Variants in DAND5 observed in about 807,000 individuals in gnomAD.
DAND5 encodes the protein DAN domain BMP antagonist family member 5.
In DAND5, 8 loss-of-function variants were observed where a neutral mutation model predicts 9.2. The observed-to-expected ratio is 0.87, with a 90% CI of 0.51 to 1.56. The LOEUF (loss-of-function observed/expected upper bound fraction) is 1.56, where lower values mean the gene tolerates loss of function less well. DAND5 is among the 40% of genes most tolerant of loss of function. The pLI is 0.00. For missense variants in DAND5, 244 were observed against 244.7 expected, an observed-to-expected ratio of 1.00 and a Z score of 0.02; for synonymous variants, 95 against 101.1, an observed-to-expected ratio of 0.94 and a Z score of 0.36.
At chr19:12,970,649 C>A (rs941476227) in intron 1 of DAND5, 2 of 465,536 alleles carry the variant, frequency 4.3e-6, no homozygotes, top group African/African-American at 4.2e-5. Context: ...CTCTTTCTTT[C>A]TTTCTTTCTT....
At chr19:12,973,248 G>T (rs2011155934) in intron 1 of DAND5, 141 bp from the exon 2 acceptor site, 1 of 1,178,710 alleles carries the variant, frequency 8.5e-7, no homozygotes, top group Non-Finnish European at 1.2e-6. Flanking sequence ...CCAAGAGACA[G>T]CAGAGTCAGG....
intron 1 of DAND5, among the ~76,000 whole-genome samples, 187 bp from the exon 2 acceptor site, chr19:12,973,202 G>A (rs1390832037): frequency 6.6e-6 from 1 of 152,194 alleles, no homozygotes; most frequent in Non-Finnish European, 1.5e-5. Context: ...GGAAACAAAA[G>A]CTCAGAGAGG....
intron 1 of DAND5, among the ~76,000 whole-genome samples, chr19:12,973,102 T>C (rs2011154793): frequency 1.3e-5 from 2 of 152,092 alleles, no homozygotes; most frequent in South Asian, 4.1e-4. Context: ...GACCTCGTGA[T>C]CCGCCCGCCT....
intron 1 of DAND5, among the ~76,000 whole-genome samples, chr19:12,971,335 A>G (rs1296771100): frequency 6.6e-6 from 1 of 151,626 alleles, no homozygotes; most frequent in Non-Finnish European, 1.5e-5. Flanking sequence ...CTGCAGTGCA[A>G]TGGCGCGATC....
At chr19:12,971,129 G>A (rs555237529) in intron 1 of DAND5, among the ~76,000 whole-genome samples, 1 of 152,232 alleles carries the variant, frequency 6.6e-6, no homozygotes, top group African/African-American at 2.4e-5. Flanking sequence ...GTGGGCTAAG[G>A]GCTTTCTGTT....
At position 12,973,539 on chromosome 19, in the gene DAND5, G is replaced by T. The variant is rs754429363; in HGVS notation, c.475G>T (p.Val159Phe). ...TGCTCGCAAGCGTTGGGCACCCGTG[G>T]TCCTGTGGTGTCTCACTGGCAGCTC... is the stretch of plus-strand genomic sequence containing the variant. Reference protein sequence around the residue: ...MPARKRWAPVVLWCLTGSSAS... With the variant: ...MPARKRWAPVFLWCLTGSSAS... Residue 159 changes from valine (V) to phenylalanine (F), a missense_variant, in exon 2 of 2, where the codon GTC becomes TTC. Physicochemically the swap from Val to Phe is conservative, Grantham distance 50. Coordinates refer to ENST00000317060, the MANE Select transcript of DAND5 (RefSeq NM_152654.3). 1 of 1,614,184 alleles carries T rather than the reference G, an allele frequency of 6.2e-7. No homozygotes were observed. Among genetic ancestry groups the T allele is most frequent in the East Asian group, 2.2e-5 (1 of 44,892 alleles).
rs1477701769 is a variant in DAND5, at chr19:12,973,436, G to A, written c.372G>A (p.Leu124=). 3.1e-6 allele frequency: 5 copies of A among 1,614,018 alleles called. No homozygotes were observed. The highest frequency in any genetic ancestry group is 3.4e-6 in the Non-Finnish European group (4 of 1,180,040). ...GCSAIRLRNH[L]CFGHCSSLYI... is the part of the protein sequence containing the mutation. ...CAGCCATACGCCTCCGAAATCATCT[G>A]TGCTTTGGTCATTGCTCCTCTCTCT... Residue 124 remains leucine (L), a synonymous_variant, in exon 2 of 2, where the codon CTG becomes CTA. Coordinates refer to ENST00000317060, the MANE Select transcript of DAND5 (RefSeq NM_152654.3).
rs1054898031 is a variant in DAND5 at position 12,973,081 on chromosome 19, C to G, written c.325-308C>G. Among the ~76,000 whole-genome samples, 18 of 151,928 alleles carry G rather than the reference C, an allele frequency of 1.2e-4. No individual in the cohort carries two copies. The South Asian group carries it at 1.5e-3, about 12-fold the overall frequency. On this transcript the variant is annotated intron_variant, in intron 1 of 1. Coordinates refer to ENST00000317060, the MANE Select transcript of DAND5 (RefSeq NM_152654.3). ...GTTTCACCGTGTTGGCCAGGATGGTCTCGATCTGCTGACCTCGTGATCCGC... is the reference window on the plus strand; with the variant it reads ...GTTTCACCGTGTTGGCCAGGATGGTGTCGATCTGCTGACCTCGTGATCCGC...
At chr19:12,970,612 CTTTT>C (rs1462105021) in intron 1 of DAND5, 1 of 475,038 alleles carries the variant, frequency 2.1e-6, no homozygotes, top group Non-Finnish European at 3.7e-6. Context: ...TTCTTTCTTT[CTTTT>C]CTTTCTTTGT....
chr19:12,973,096 T>C (rs1301789908), intron 1 of DAND5, among the ~76,000 whole-genome samples: 1 of 150,916 alleles, frequency 6.6e-6, no homozygotes, highest in Non-Finnish European at 1.5e-5. Context: ...TCTGCTGACC[T>C]CGTGATCCGC....
chr19:12,969,806 C>T lies in DAND5; in HGVS notation c.146C>T (p.Pro49Leu), dbSNP rs747156125. The change falls in exon 1 of 2, where the codon CCC (proline) becomes CTC (leucine). Residue 49 changes from proline (P) to leucine (L), a missense_variant. Physicochemically the swap from Pro to Leu is moderately conservative, Grantham distance 98 (BLOSUM62 -3). Transcript: ENST00000317060. ...TGGGCTCTGGGCCCAGGGGCCCTGC[C>T]CCCACTGGTGCCAGCTTCTGCCCTT... ...QTWALGPGALPPLVPASALGS... is the reference protein window; with the variant it reads ...QTWALGPGALLPLVPASALGS... The T allele has an allele frequency of 1.1e-5, 18 of 1,603,264 alleles. No homozygotes were observed. The highest frequency in any genetic ancestry group is 1.4e-5 in the Non-Finnish European group (16 of 1,174,922).
intron 1 of DAND5, chr19:12,970,442 T>G (rs1372925501): frequency 1.4e-6 from 1 of 700,858 alleles, no homozygotes; most frequent in African/African-American, 1.8e-5. Flanking sequence ...TTTCTTTCTG[T>G]TTTTTTAGAC....
Position 12,973,062 on chromosome 19 carries a change from C to T in DAND5, c.325-327C>T, listed in dbSNP as rs1017549320. Among the ~76,000 whole-genome samples, 15 of 151,536 alleles carry T rather than the reference C, an allele frequency of 9.9e-5. 1 individual carries two copies. Among genetic ancestry groups the T allele is most frequent in the South Asian group, 2.1e-4 (1 of 4,788 alleles). On this transcript the variant is annotated intron_variant, in intron 1 of 1. Coordinates refer to ENST00000317060, the MANE Select transcript of DAND5 (RefSeq NM_152654.3). ...TATTTTTAGTAGAGACGGGGTTTCA[C>T]CGTGTTGGCCAGGATGGTCTCGATC...
rs748058455 is a variant in DAND5 at position 12,969,794 on chromosome 19, C to T, written c.134C>T (p.Pro45Leu). The T allele has an allele frequency of 6.3e-7, 1 of 1,596,610 alleles. No individual in the cohort carries two copies. Among genetic ancestry groups the T allele is most frequent in the Non-Finnish European group, 8.5e-7 (1 of 1,172,264 alleles). Residue 45 changes from proline (P) to leucine (L), a missense_variant, in exon 1 of 2, where the codon CCA becomes CTA. By Grantham distance (98) the Pro-to-Leu change is moderately conservative (BLOSUM62 -3). Coordinates refer to ENST00000317060, the MANE Select transcript of DAND5 (RefSeq NM_152654.3). ...GCCAATCAGACCTGGGCTCTGGGCCCAGGGGCCCTGCCCCCACTGGTGCCA... is the reference window on the plus strand; with the variant it reads ...GCCAATCAGACCTGGGCTCTGGGCCTAGGGGCCCTGCCCCCACTGGTGCCA... ...AAANQTWALG[P>L]GALPPLVPAS... is the part of the protein sequence containing the mutation.
rs867025906 is a variant in DAND5, at chr19:12,973,518, C to T, written c.454C>T (p.Arg152Cys). The change falls in exon 2 of 2, where the codon CGC becomes TGC. Residue 152 changes from arginine to cysteine, a missense_variant. Physicochemically the swap from Arg to Cys is radical, Grantham distance 180 (BLOSUM62 -3). Transcript: ENST00000317060. Reference protein sequence around the residue: ...LVLCNSCMPARKRWAPVVLWC... With the variant: ...LVLCNSCMPACKRWAPVVLWC... ...CCTGTGCAACAGCTGTATGCCTGCT[C>T]GCAAGCGTTGGGCACCCGTGGTCCT... The T allele has an allele frequency of 3.7e-6, 6 of 1,614,164 alleles. No homozygotes were observed. The highest frequency in any genetic ancestry group is 2.2e-5 in the East Asian group (1 of 44,888).
chr19:12,971,551 A>G (rs2011145585), intron 1 of DAND5, among the ~76,000 whole-genome samples: 1 of 151,998 alleles, frequency 6.6e-6, no homozygotes, highest in Non-Finnish European at 1.5e-5. Context: ...TGCTGAGATT[A>G]CAGGCATGAG....
chr19:12,971,476 A>G lies in DAND5; in HGVS notation c.324+1492A>G, dbSNP rs2011145210. ...GTATTTTTAGTAGAGACGGGCTTTC[A>G]CCATGTTGGTCAGGCTGGTCTCAAA... On this transcript the variant is annotated intron_variant, in intron 1 of 1. Transcript: ENST00000317060. 2.0e-5 allele frequency among the ~76,000 whole-genome samples: 3 copies of G among 150,984 alleles called. No homozygotes were observed. In the Admixed American group the frequency reaches 2.0e-4, roughly 10 times the overall value.
intron 1 of DAND5, among the ~76,000 whole-genome samples, chr19:12,973,155 C>G (rs866370666): frequency 5.9e-5 from 9 of 152,200 alleles, no homozygotes; most frequent in Non-Finnish European, 8.8e-5. Flanking sequence ...AGCCACCGCG[C>G]CCGGCCCTTG....
At chr19:12,973,009 C>T (rs1451068667) in intron 1 of DAND5, among the ~76,000 whole-genome samples, 2 of 151,602 alleles carry the variant, frequency 1.3e-5, no homozygotes, top group South Asian at 2.1e-4. Flanking sequence ...ACTACAGGCG[C>T]CCACCACCAC....
Sources: allele counts gnomAD v4.1 joint callset (sites outside exome capture counted in the v4.1 genomes callset), GRCh38; gene constraint gnomAD v4.1.1; transcripts MANE v1.5; gene names NCBI Gene and HGNC (gene_info 2026-07-23, HGNC 2026-07-21).